LRRFIP1: variants seen among roughly 807,000 people sequenced by gnomAD.
LRRFIP1 encodes the protein LRR binding FLII interacting protein 1.
LRRFIP1 carries 62 observed loss-of-function variants against 104.4 expected under a neutral mutation model. The observed-to-expected ratio is 0.59, with a 90% CI of 0.48 to 0.73. The LOEUF is 0.73. LRRFIP1 is among the 30% of genes least tolerant of loss of function. The pLI, the probability that LRRFIP1 is intolerant of heterozygous loss-of-function variation, is 0.00. For missense variants in LRRFIP1, 796 were observed against 824.5 expected (o/e 0.97, Z 0.42); for synonymous variants, 300 against 299.0 (o/e 1.00, Z -0.03).
intron 7 of LRRFIP1, among the ~76,000 whole-genome samples, chr2:237,727,650 A>G (rs1285294703): frequency 6.6e-6 from 1 of 152,224 alleles, no homozygotes; most frequent in African/African-American, 2.4e-5. Context: ...CATGAAGCCT[A>G]CTGACTTGGT....
chr2:237,666,422 A>G (rs367619845), intron 1 of LRRFIP1, among the ~76,000 whole-genome samples: 1 of 152,284 alleles, frequency 6.6e-6, no homozygotes. Flanking sequence ...ACTGTGAAAC[A>G]CAGGGATCCC....
intron 1 of LRRFIP1, among the ~76,000 whole-genome samples, chr2:237,674,714 G>A (rs1400408072): frequency 6.6e-6 from 1 of 152,232 alleles, no homozygotes; most frequent in Non-Finnish European, 1.5e-5. Flanking sequence ...CTTCCATTAT[G>A]AATGCGGGCA....
chr2:237,668,779 T>C (rs2089909958), intron 1 of LRRFIP1, among the ~76,000 whole-genome samples: 1 of 152,182 alleles, frequency 6.6e-6, no homozygotes, highest in African/African-American at 2.4e-5. Flanking sequence ...ACAAGGGTAA[T>C]TGTTGCTGAA....
At chr2:237,739,845 T>C (rs1478131118) in intron 11 of LRRFIP1, among the ~76,000 whole-genome samples, 1 of 152,154 alleles carries the variant, frequency 6.6e-6, no homozygotes, top group African/African-American at 2.4e-5. Context: ...TTGTGTGTTT[T>C]CCCCTGGGTT....
chr2:237,695,441 G>A (rs2093111367), intron 1 of LRRFIP1, among the ~76,000 whole-genome samples: 1 of 152,206 alleles, frequency 6.6e-6, no homozygotes, highest in Non-Finnish European at 1.5e-5. Flanking sequence ...AGAATTGTGA[G>A]ACTAAATGTT....
At chr2:237,677,882 A>G (rs1344860433) in intron 1 of LRRFIP1, among the ~76,000 whole-genome samples, 1 of 152,146 alleles carries the variant, frequency 6.6e-6, no homozygotes, top group Non-Finnish European at 1.5e-5. Flanking sequence ...GAGCTCTAAT[A>G]TTGTATTCTA....
chr2:237,781,144 G>C lies in LRRFIP1; in HGVS notation c.*1612G>C, dbSNP rs2061421270. On this transcript the variant is annotated 3_prime_UTR_variant, in exon 24 of 24. Transcript: ENST00000308482. ...ATTCAGTTCCTTGTCTCATCCTTAA[G>C]GTTTCTTCCACAACATCTGAATACA... Among the ~76,000 whole-genome samples the C allele has an allele frequency of 1.3e-5, 2 of 152,144 alleles. No individual in the cohort carries two copies. Among genetic ancestry groups the C allele is most frequent in the Admixed American group, 6.5e-5 (1 of 15,274 alleles).
At position 237,741,696 on chromosome 2, in the gene LRRFIP1, C is replaced by T. The variant is rs138465120; in HGVS notation, c.633+2387C>T. Among the ~76,000 whole-genome samples the T allele has an allele frequency of 1.4e-4, 21 of 152,128 alleles. No homozygotes were observed. The East Asian group carries it at 3.3e-3, about 24-fold the overall frequency. On this transcript the variant is annotated intron_variant, in intron 11 of 23. Coordinates refer to ENST00000308482, the MANE Select transcript of LRRFIP1 (RefSeq NM_001137550.2). Reference sequence around the variant, plus strand: ...TACAAAAATTAGCCGGGTGTAGTGGCGCATGCCTGTAATCCCAGCTACTTG... The same window carrying T: ...TACAAAAATTAGCCGGGTGTAGTGGTGCATGCCTGTAATCCCAGCTACTTG...
chr2:237,758,718 T>C lies in LRRFIP1; in HGVS notation c.1225-11T>C. On this transcript the variant is annotated splice_polypyrimidine_tract_variant and intron_variant, in intron 17 of 23. Coordinates refer to ENST00000308482, the MANE Select transcript of LRRFIP1 (RefSeq NM_001137550.2). ...ATCTTCTTCTTTCTCTTGGCTCTGC[T>C]GCACACTCAGGCATTAGAGAGGCAG... 1.3e-6 allele frequency: 2 copies of C among 1,595,022 alleles called. No individual in the cohort carries two copies. Among genetic ancestry groups the C allele is most frequent in the South Asian group, 2.2e-5 (2 of 89,316 alleles).
chr2:237,634,170 C>T (rs2082774292), intron 1 of LRRFIP1, among the ~76,000 whole-genome samples: 1 of 152,142 alleles, frequency 6.6e-6, no homozygotes, highest in African/African-American at 2.4e-5. Context: ...AAACCCAAGT[C>T]CTTAAACAAG....
intron 1 of LRRFIP1, among the ~76,000 whole-genome samples, chr2:237,670,521 G>A (rs560903213): frequency 9.8e-5 from 15 of 152,364 alleles, no homozygotes; most frequent in Middle Eastern, 3.4e-3. Context: ...TACAGTACGT[G>A]CCTCACCGAG....
In LRRFIP1 at chr2:237,709,189, C is replaced by T. The variant is rs367802916; in HGVS notation, c.183+559C>T. ...GGCTAGCAATGTGTTGACACACCTG[C>T]TCAAGCCATTTGCAAGTTATTTTCA... is the stretch of plus-strand genomic sequence containing the variant. On this transcript the variant is annotated intron_variant, in intron 2 of 23. Transcript: ENST00000308482. 2.6e-4 allele frequency among the ~76,000 whole-genome samples: 40 copies of T among 152,298 alleles called. No individual in the cohort carries two copies. In the South Asian group the frequency reaches 7.9e-3, roughly 30 times the overall value.
rs112494940 is a variant in LRRFIP1, at chr2:237,672,653, A to G, written c.97-35891A>G. Among the ~76,000 whole-genome samples, 186 of 152,252 alleles carry G rather than the reference A, an allele frequency of 1.2e-3. 1 individual carries two copies. Among genetic ancestry groups the G allele is most frequent in the African/African-American group, 4.4e-3 (182 of 41,534 alleles). On this transcript the variant is annotated intron_variant, in intron 1 of 23. Coordinates refer to ENST00000308482, the MANE Select transcript of LRRFIP1 (RefSeq NM_001137550.2). ...TATCTTGTTCCTGAAAAAATATTGA[A>G]CCATTTTTTCAATATTTGTCCTTGC...
chr2:237,670,353 G>A (rs1042299666), intron 1 of LRRFIP1, among the ~76,000 whole-genome samples: 4 of 152,202 alleles, frequency 2.6e-5, no homozygotes, highest in African/African-American at 7.2e-5. Flanking sequence ...TAGGCCAGAT[G>A]TACTAGGAGG....
intron 1 of LRRFIP1, among the ~76,000 whole-genome samples, chr2:237,656,695 T>C (rs1345403760): frequency 6.6e-6 from 1 of 152,242 alleles, no homozygotes; most frequent in Non-Finnish European, 1.5e-5. Flanking sequence ...GTTAATTCAT[T>C]GTACAATATA....
Position 237,691,280 on chromosome 2 carries a change from G to T in LRRFIP1, c.97-17264G>T, listed in dbSNP as rs1261949439. Among the ~76,000 whole-genome samples, 1 of 152,234 alleles carries T rather than the reference G, an allele frequency of 6.6e-6. No homozygotes were observed. Among genetic ancestry groups the T allele is most frequent in the African/African-American group, 2.4e-5 (1 of 41,456 alleles). The stretch of plus-strand genomic sequence containing the variant: ...CTGGCGAGGTCGGGAACCGTTTCCC[G>T]CAGGACTTTCATTGGGAGTTACGAG... On this transcript the variant is annotated intron_variant, in intron 1 of 23. Transcript: ENST00000308482. The surrounding 1 kb of genome is among the most constrained non-coding windows in gnomAD (Gnocchi z 5.4).
At chr2:237,779,351 G>A in intron 23 of LRRFIP1, 71 bp from the exon 24 acceptor site, 1 of 1,535,196 alleles carries the variant, frequency 6.5e-7, no homozygotes, top group South Asian at 1.2e-5. Flanking sequence ...TGGAATTTCG[G>A]TAACACAGAA....
At chr2:237,760,000 T>A in intron 18 of LRRFIP1, 64 bp from the exon 19 acceptor site, 3 of 1,492,508 alleles carry the variant, frequency 2.0e-6, no homozygotes, top group Non-Finnish European at 2.8e-6. Context: ...TATTATTGTA[T>A]TAAAACAGAG....
rs1010299290 is a variant in LRRFIP1 at position 237,711,622 on chromosome 2, G to A, written c.184-2637G>A. ...GACACAGGGCGGGCGTCGTGGGCGC[G>A]GCTGTGGACTCCTGCCTGGGGTTGG... On this transcript the variant is annotated intron_variant, in intron 2 of 23. Coordinates refer to ENST00000308482, the MANE Select transcript of LRRFIP1 (RefSeq NM_001137550.2). This position sits in a 1 kb window ranked among gnomAD's most constrained non-coding sequence, Gnocchi z 4.4. 3.3e-5 allele frequency among the ~76,000 whole-genome samples: 5 copies of A among 152,178 alleles called. No individual in the cohort carries two copies. The highest frequency in any genetic ancestry group is 2.6e-4 in the Admixed American group (4 of 15,280).
Sources: gnomAD v4.1 joint callset for allele counts (sites outside exome capture counted in the v4.1 genomes callset) on GRCh38, gnomAD v4.1.1 for gene constraint, Gnocchi (gnomAD v3.1) non-coding constraint, MANE v1.5 for transcripts, NCBI Gene and HGNC (gene_info 2026-07-23, HGNC 2026-07-21) for gene names.